CFAP299: variants seen among roughly 807,000 people sequenced by gnomAD.
CFAP299 encodes cilia- and flagella-associated protein 299.
Under a neutral mutation model 27.0 loss-of-function variants are expected in CFAP299, and 21 were observed. That is an observed-to-expected ratio of 0.78 (90% CI 0.55 to 1.12). CFAP299 has a LOEUF of 1.12. Ranked by LOEUF, CFAP299 falls within the 50% of genes most tolerant of loss-of-function variation. CFAP299 has a pLI of 0.00. For synonymous variants in CFAP299, 104 were observed against 98.1 expected (o/e 1.06, Z -0.36); for missense variants, 310 against 276.6 (o/e 1.12, Z -0.86).
chr4:80,692,042 AGAG>A (rs1378301568), intron 3 of CFAP299, among the ~76,000 whole-genome samples: 2 of 152,342 alleles, frequency 1.3e-5, no homozygotes, highest in East Asian at 3.9e-4. Flanking sequence ...AGGAAATAAA[AGAG>A]GATACAAACA....
intron 3 of CFAP299, among the ~76,000 whole-genome samples, chr4:80,833,353 C>CA (rs953267452): frequency 6.6e-6 from 1 of 151,910 alleles, no homozygotes. Context: ...TCGTGAGGCC[C>CA]ACTCATATTC....
chr4:80,488,463 A>G (rs1364059332), intron 2 of CFAP299, among the ~76,000 whole-genome samples: 1 of 149,334 alleles, frequency 6.7e-6, no homozygotes, highest in African/African-American at 2.5e-5. Flanking sequence ...ACAAAATAGC[A>G]TGGTAAACAC....
chr4:80,629,067 T>C (rs947918473), intron 3 of CFAP299, among the ~76,000 whole-genome samples: 4 of 152,182 alleles, frequency 2.6e-5, no homozygotes, highest in Non-Finnish European at 5.9e-5. Flanking sequence ...GGAATCAACC[T>C]AAGTTTCCAT....
intron 1 of CFAP299, among the ~76,000 whole-genome samples, chr4:80,361,125 A>C (rs1166011968): frequency 6.6e-6 from 1 of 152,218 alleles, no homozygotes; most frequent in East Asian, 1.9e-4. Context: ...GATAATGGTA[A>C]GTGAGGCAAT....
chr4:80,508,676 G>T (rs1027495234), intron 2 of CFAP299, among the ~76,000 whole-genome samples: 6 of 151,914 alleles, frequency 3.9e-5, no homozygotes, highest in Admixed American at 3.9e-4. Context: ...CTCTCAACTT[G>T]GCCTCCCCAG....
At chr4:80,888,173 C>A (rs1734064393) in intron 4 of CFAP299, among the ~76,000 whole-genome samples, 1 of 151,932 alleles carries the variant, frequency 6.6e-6, no homozygotes, top group African/African-American at 2.4e-5. Flanking sequence ...CTAAATTCTG[C>A]CATCAAAAGA....
intron 4 of CFAP299, among the ~76,000 whole-genome samples, chr4:80,920,919 T>C (rs1736010614): frequency 6.6e-6 from 1 of 152,170 alleles, no homozygotes; most frequent in South Asian, 2.1e-4. Flanking sequence ...CTCAACACAG[T>C]ACTTGTGAAA....
intron 2 of CFAP299, among the ~76,000 whole-genome samples, chr4:80,547,308 C>T (rs955912704): frequency 2.6e-5 from 4 of 151,988 alleles, no homozygotes; most frequent in Admixed American, 6.6e-5. Context: ...AGCTGTTATT[C>T]AATAAATGGT....
In CFAP299 at chr4:80,422,120, G is replaced by T. The variant is rs1727311806; in HGVS notation, c.242+59236G>T. On this transcript the variant is annotated intron_variant, in intron 2 of 5. Transcript: ENST00000358105. ...GATTTGTTCCTTAAGTACTAAAAGA[G>T]ATTTAAAAAAAATACTATCTTGTTT... Among the ~76,000 whole-genome samples, 6 of 152,132 alleles carry T rather than the reference G, an allele frequency of 3.9e-5. No individual in the cohort carries two copies. The South Asian group carries it at 1.2e-3, about 32-fold the overall frequency.
chr4:80,622,456 A>G (rs1738655427), intron 3 of CFAP299, among the ~76,000 whole-genome samples: 1 of 152,200 alleles, frequency 6.6e-6, no homozygotes, highest in Admixed American at 6.5e-5. Context: ...AAAACTCAGT[A>G]CATTCTGGTG....
chr4:80,819,030 C>G (rs772822031), intron 3 of CFAP299, among the ~76,000 whole-genome samples: 1 of 151,840 alleles, frequency 6.6e-6, no homozygotes. Flanking sequence ...TGCAATGTAA[C>G]GAGAACTGGA....
chr4:80,497,702 A>C (rs1357492780), intron 2 of CFAP299, among the ~76,000 whole-genome samples: 1 of 152,138 alleles, frequency 6.6e-6, no homozygotes, highest in Non-Finnish European at 1.5e-5. Flanking sequence ...CTTATTTTTT[A>C]GCCTTACTGC....
intron 3 of CFAP299, among the ~76,000 whole-genome samples, chr4:80,669,647 T>C (rs1480528040): frequency 6.6e-6 from 1 of 151,962 alleles, no homozygotes; most frequent in Non-Finnish European, 1.5e-5. Flanking sequence ...CAGGGCTAAT[T>C]TGATTTTTTC....
chr4:80,894,539 A>G (rs1734515503), intron 4 of CFAP299, among the ~76,000 whole-genome samples: 1 of 152,048 alleles, frequency 6.6e-6, no homozygotes, highest in Admixed American at 6.6e-5. Flanking sequence ...GTTATCGAAT[A>G]TCATAACATA....
At chr4:80,651,032 A>G (rs1740250549) in intron 3 of CFAP299, among the ~76,000 whole-genome samples, 1 of 152,056 alleles carries the variant, frequency 6.6e-6, no homozygotes, top group Admixed American at 6.6e-5. Context: ...TTAAAAAAAT[A>G]TTTTTTAAGA....
intron 3 of CFAP299, among the ~76,000 whole-genome samples, chr4:80,778,760 C>T (rs768882098): frequency 2.6e-5 from 4 of 152,056 alleles, no homozygotes; most frequent in Non-Finnish European, 5.9e-5. Context: ...TTCACTTACA[C>T]AGTTTTTCCC....
At chr4:80,686,089 C>T (rs1392191847) in intron 3 of CFAP299, among the ~76,000 whole-genome samples, 1 of 151,732 alleles carries the variant, frequency 6.6e-6, no homozygotes, top group Non-Finnish European at 1.5e-5. Context: ...CCAAGTATAG[C>T]ATACATGTTG....
intron 2 of CFAP299, among the ~76,000 whole-genome samples, chr4:80,378,479 TG>T (rs1045589680): frequency 2.0e-5 from 3 of 152,030 alleles, no homozygotes; most frequent in Middle Eastern, 3.4e-3. Flanking sequence ...AAGGGGATAT[TG>T]TTTTTTTTTT....
At chr4:80,803,768 T>C (rs1474152175) in intron 3 of CFAP299, among the ~76,000 whole-genome samples, 1 of 150,368 alleles carries the variant, frequency 6.7e-6, no homozygotes, top group Non-Finnish European at 1.5e-5. Flanking sequence ...CTATAAAATA[T>C]TATATTTTCT....
Sources: gnomAD v4.1 joint callset for allele counts (sites outside exome capture counted in the v4.1 genomes callset) on GRCh38, gnomAD v4.1.1 for gene constraint, MANE v1.5 for transcripts, NCBI Gene and HGNC (gene_info 2026-07-23, HGNC 2026-07-21) for gene names.